AGTR1: variants seen among roughly 807,000 people sequenced by gnomAD.
The protein encoded by AGTR1 is type-1 angiotensin II receptor.
A neutral mutation model predicts 19.4 loss-of-function variants in AGTR1; 16 were observed. That is an observed-to-expected ratio of 0.82 (90% CI 0.56 to 1.25). The LOEUF (loss-of-function observed/expected upper bound fraction) is 1.25, where lower values mean the gene tolerates loss of function less well. Ranked by LOEUF, AGTR1 falls within the 50% of genes most tolerant of loss-of-function variation. The pLI is 0.00. For missense variants in AGTR1, 373 were observed against 431.9 expected, an observed-to-expected ratio of 0.86 and a Z score of 1.21; for synonymous variants, 153 against 154.9, an observed-to-expected ratio of 0.99 and a Z score of 0.09.
intron 2 of AGTR1, among the ~76,000 whole-genome samples, chr3:148,738,280 A>G (rs1714683236): frequency 6.6e-6 from 1 of 151,970 alleles, no homozygotes; most frequent in African/African-American, 2.4e-5. Context: ...TGAACCAAAT[A>G]TTTACCTCTG....
intron 2 of AGTR1, among the ~76,000 whole-genome samples, chr3:148,711,621 C>T (rs1314172292): frequency 1.3e-5 from 2 of 152,066 alleles, no homozygotes; most frequent in African/African-American, 4.8e-5. Context: ...AAATAACCTA[C>T]TATTCACACA....
At chr3:148,710,723 C>T (rs1377017986) in intron 2 of AGTR1, among the ~76,000 whole-genome samples, 2 of 151,894 alleles carry the variant, frequency 1.3e-5, no homozygotes, top group Non-Finnish European at 1.5e-5. Flanking sequence ...AATTGTATGT[C>T]ACTGATAAGG....
chr3:148,741,639 C>G lies in AGTR1; in HGVS notation c.604C>G (p.Leu202Val). The change falls in exon 3 of 3, where the codon CTG becomes GTG. Residue 202 changes from leucine (L) to valine (V), a missense_variant. Transcript: ENST00000349243. ...AGGGCTGGGCCTGACCAAAAATATA[C>G]TGGGTTTCCTGTTTCCTTTTCTGAT... ...PIGLGLTKNI[L>V]GFLFPFLIIL... is the part of the protein sequence containing the mutation. 6.2e-7 allele frequency: 1 copy of G among 1,614,092 alleles called. No homozygotes were observed. The highest frequency in any genetic ancestry group is 8.5e-7 in the Non-Finnish European group (1 of 1,179,998).
Position 148,741,908 on chromosome 3 carries a change from T to C in AGTR1, c.873T>C (p.Ala291=). Residue 291 remains alanine, a synonymous_variant, in exon 3 of 3, where the codon GCT becomes GCC. Transcript: ENST00000349243. Reference sequence around the variant, plus strand: ...CCATGCCTATCACCATTTGTATAGCTTATTTTAACAATTGCCTGAATCCTC... The same window carrying C: ...CCATGCCTATCACCATTTGTATAGCCTATTTTAACAATTGCCTGAATCCTC... The part of the protein sequence containing the change: ...DTAMPITICI[A]YFNNCLNPLF... 3 of 1,614,210 alleles carry C rather than the reference T, an allele frequency of 1.9e-6. No individual in the cohort carries two copies. Among genetic ancestry groups the C allele is most frequent in the African/African-American group, 1.3e-5 (1 of 75,066 alleles).
At chr3:148,733,907 C>T (rs1714429200) in intron 2 of AGTR1, among the ~76,000 whole-genome samples, 1 of 152,198 alleles carries the variant, frequency 6.6e-6, no homozygotes, top group Non-Finnish European at 1.5e-5. Context: ...TCATATTTAA[C>T]ATAAGAGTAT....
At chr3:148,705,477 T>A (rs1299076983) in intron 1 of AGTR1, among the ~76,000 whole-genome samples, 2 of 152,098 alleles carry the variant, frequency 1.3e-5, no homozygotes, top group Admixed American at 6.6e-5. Context: ...AAAACACATT[T>A]TATCATGATG....
At chr3:148,705,577 T>C (rs1376548459) in intron 1 of AGTR1, among the ~76,000 whole-genome samples, 6 of 152,178 alleles carry the variant, frequency 3.9e-5, no homozygotes. Flanking sequence ...CTTGAGTATG[T>C]CCTGGTCTAT....
intron 2 of AGTR1, among the ~76,000 whole-genome samples, chr3:148,714,351 G>T (rs1250723665): frequency 2.0e-5 from 3 of 152,068 alleles, no homozygotes; most frequent in African/African-American, 4.8e-5. Context: ...TTTAGGGAAG[G>T]TCTTCTTAGG....
At chr3:148,710,686 C>T (rs186208210) in intron 2 of AGTR1, among the ~76,000 whole-genome samples, 2 of 152,100 alleles carry the variant, frequency 1.3e-5, no homozygotes, top group Admixed American at 6.5e-5. Context: ...TAAAAATGTA[C>T]ATATTAGAAG....
chr3:148,702,627 G>A (rs1712414969), intron 1 of AGTR1, among the ~76,000 whole-genome samples: 2 of 152,150 alleles, frequency 1.3e-5, no homozygotes, highest in South Asian at 4.1e-4. Flanking sequence ...CAGACCAGAT[G>A]GTGTGTCTAA....
intron 1 of AGTR1, among the ~76,000 whole-genome samples, chr3:148,699,815 TC>T (rs1282696910): frequency 6.6e-6 from 1 of 152,158 alleles, no homozygotes; most frequent in Non-Finnish European, 1.5e-5. Context: ...CCACCTTTTT[TC>T]CCCCTGACTT....
chr3:148,705,890 C>A (rs1407883957), intron 1 of AGTR1, among the ~76,000 whole-genome samples: 3 of 151,794 alleles, frequency 2.0e-5, no homozygotes, highest in African/African-American at 7.3e-5. Flanking sequence ...TAATGAAATT[C>A]ATTTAATTAT....
chr3:148,718,197 C>T (rs1262269407), intron 2 of AGTR1, among the ~76,000 whole-genome samples: 1 of 152,196 alleles, frequency 6.6e-6, no homozygotes, highest in Non-Finnish European at 1.5e-5. Context: ...AATGTAGCCA[C>T]TTACTGAAAT....
At chr3:148,740,435 C>A (rs1033848946) in intron 2 of AGTR1, among the ~76,000 whole-genome samples, 3 of 152,186 alleles carry the variant, frequency 2.0e-5, no homozygotes, top group Admixed American at 6.5e-5. Flanking sequence ...TCAATTGCCA[C>A]AGTGACCAAT....
intron 2 of AGTR1, among the ~76,000 whole-genome samples, chr3:148,715,296 G>C (rs2107939914): frequency 6.6e-6 from 1 of 152,184 alleles, no homozygotes; most frequent in South Asian, 2.1e-4. Flanking sequence ...TTAGGGAATA[G>C]GCATATTTAA....
At chr3:148,732,268 GGCTTACA>G (rs1407238195) in intron 2 of AGTR1, among the ~76,000 whole-genome samples, 1 of 152,220 alleles carries the variant, frequency 6.6e-6, no homozygotes, top group Non-Finnish European at 1.5e-5. Context: ...ATGTCTGACA[GGCTTACA>G]GCCTTTGGCC....
intron 2 of AGTR1, among the ~76,000 whole-genome samples, chr3:148,715,590 C>T (rs561913468): frequency 6.6e-6 from 1 of 152,096 alleles, no homozygotes; most frequent in Non-Finnish European, 1.5e-5. Context: ...CTGAGAAAAA[C>T]AATAGTAGCT....
intron 1 of AGTR1, among the ~76,000 whole-genome samples, chr3:148,699,224 T>C (rs76401328): frequency 0.017 from 2,629 of 152,248 alleles, 78 homozygotes; most frequent in African/African-American, 0.06. Flanking sequence ...ATTGATCTAT[T>C]TTATTACTTT....
rs1482885010 is a variant in AGTR1 at position 148,716,050 on chromosome 3, T to C, written c.-48+8023T>C. Among the ~76,000 whole-genome samples the C allele has an allele frequency of 1.2e-4, 18 of 152,178 alleles. No homozygotes were observed. Among genetic ancestry groups the C allele is most frequent in the Admixed American group, 1.2e-3 (18 of 15,264 alleles). On this transcript the variant is annotated intron_variant, in intron 2 of 2. Transcript: ENST00000349243. The surrounding 1 kb of genome is among the most constrained non-coding windows in gnomAD (Gnocchi z 4.7). ...TGGCACTTACCCCCAAACCGTATCC[T>C]ATGGAAATGCCTTTTTAGCAAATTA...
Sources: allele counts gnomAD v4.1 joint callset (sites outside exome capture counted in the v4.1 genomes callset), GRCh38; gene constraint gnomAD v4.1.1; non-coding constraint Gnocchi (gnomAD v3.1); transcripts MANE v1.5; gene names NCBI Gene and HGNC (gene_info 2026-07-23, HGNC 2026-07-21).